Variants in SYT7 observed in about 807,000 individuals in gnomAD.
SYT7 encodes synaptotagmin-7.
In SYT7, 29 loss-of-function variants were observed where a neutral mutation model predicts 75.1. The observed-to-expected ratio is 0.39, with a 90% CI of 0.29 to 0.53. The LOEUF (loss-of-function observed/expected upper bound fraction) is 0.53. Ranked by LOEUF, SYT7 falls within the 20% of genes least tolerant of loss-of-function variation. SYT7 has a pLI of 0.77. For missense variants in SYT7, 693 were observed against 953.2 expected (o/e 0.73, Z 3.59); for synonymous variants, 376 against 401.7 (o/e 0.94, Z 0.76).
intron 12 of SYT7, among the ~76,000 whole-genome samples, chr11:61,521,501 G>T (rs972533678): frequency 1.3e-5 from 2 of 152,198 alleles, no homozygotes; most frequent in Admixed American, 6.5e-5. Context: ...GAGTGGCAAT[G>T]TCCTGGGGAG....
intron 6 of SYT7, chr11:61,541,374 A>T: frequency 1.2e-6 from 1 of 837,272 alleles, no homozygotes. Flanking sequence ...TTAGGCTCTG[A>T]GAGTGGGGGG....
At chr11:61,573,567 T>C (rs139279355) in intron 1 of SYT7, among the ~76,000 whole-genome samples, 473 of 152,336 alleles carry the variant, frequency 3.1e-3, no homozygotes, top group African/African-American at 0.011. Flanking sequence ...TCAAAAGCCA[T>C]CCATGGCACT....
intron 1 of SYT7, among the ~76,000 whole-genome samples, chr11:61,560,729 C>T (rs1030278990): frequency 5.3e-5 from 8 of 152,176 alleles, no homozygotes; most frequent in Non-Finnish European, 7.4e-5. Flanking sequence ...CCATTCCCTG[C>T]ATATGGAGTC....
Position 61,518,569 on chromosome 11 carries a change from T to C in SYT7, c.*58A>G. ...CTCAGGCCGGGCGTTGTGCATAAAG[T>C]GGTGAGGGCATGATGGGGACCTGGG... is the stretch of plus-strand genomic sequence containing the variant. On this transcript the variant is annotated 3_prime_UTR_variant, in exon 13 of 13. Coordinates refer to ENST00000539008, the MANE Select transcript of SYT7 (RefSeq NM_001365809.2). The C allele has an allele frequency of 7.8e-7, 1 of 1,275,106 alleles. No homozygotes were observed. The allele number at this position is 1,275,106 out of a possible 1,614,324, so 79.0% of individuals were successfully genotyped here.
intron 3 of SYT7, among the ~76,000 whole-genome samples, chr11:61,550,391 A>C (rs1241913965): frequency 1.3e-5 from 2 of 152,052 alleles, no homozygotes; most frequent in Non-Finnish European, 2.9e-5. Flanking sequence ...ACGGAAGGGG[A>C]AAGACACACA....
At chr11:61,584,116 G>A (rs761736128), upstream of SYT7, among the ~76,000 whole-genome samples, 24 of 152,284 alleles carry the variant, frequency 1.6e-4, no homozygotes, top group Non-Finnish European at 2.9e-4. Flanking sequence ...GGGACTGGGC[G>A]CGGTGGCTCA....
At chr11:61,559,455 A>G (rs1307355075) in intron 1 of SYT7, among the ~76,000 whole-genome samples, 1 of 152,156 alleles carries the variant, frequency 6.6e-6, no homozygotes, top group African/African-American at 2.4e-5. Flanking sequence ...TTGTCTATCC[A>G]GCTGAGGGGT....
intron 6 of SYT7, chr11:61,540,919 C>A: frequency 1.0e-6 from 1 of 985,502 alleles, no homozygotes; most frequent in South Asian, 4.7e-5. Context: ...GTGCAGGCGT[C>A]CAGTTAGATT....
At position 61,523,646 on chromosome 11, in the gene SYT7, G is replaced by A. The variant is rs545556820; in HGVS notation, c.1756+181C>T. ...ACATCTTGATTCTTGAACAGAGTCC[G>A]AGATGAGGGTGCTCCAAAGGGGGGC... On this transcript the variant is annotated intron_variant, in intron 11 of 12. Transcript: ENST00000539008. The surrounding 1 kb of genome is among the most constrained non-coding windows in gnomAD (Gnocchi z 5.0). 6.6e-6 allele frequency among the ~76,000 whole-genome samples: 1 copy of A among 152,150 alleles called. No individual in the cohort carries two copies.
At chr11:61,561,870 A>G (rs1029829601) in intron 1 of SYT7, among the ~76,000 whole-genome samples, 2 of 152,020 alleles carry the variant, frequency 1.3e-5, no homozygotes, top group African/African-American at 4.8e-5. Context: ...CTCAGCAAAT[A>G]TTTGTTGAAT....
intron 9 of SYT7, chr11:61,526,596 A>AT (rs2062524707): frequency 6.6e-6 from 1 of 152,150 alleles, no homozygotes. Context: ...TCTTTTCTAC[A>AT]TCCCCAGTAC....
chr11:61,555,293 G>T (rs113733090), intron 2 of SYT7, among the ~76,000 whole-genome samples: 2,649 of 152,306 alleles, frequency 0.017, 90 homozygotes, highest in African/African-American at 0.061. Context: ...ACACCCCCGG[G>T]CCCACCGTCG....
At chr11:61,562,271 T>C (rs560352550) in intron 1 of SYT7, among the ~76,000 whole-genome samples, 6 of 152,190 alleles carry the variant, frequency 3.9e-5, no homozygotes, top group Non-Finnish European at 7.4e-5. Context: ...TTTTAGAGAA[T>C]AGTGATTAGT....
intron 7 of SYT7, among the ~76,000 whole-genome samples, chr11:61,535,077 G>A (rs182642743): frequency 8.9e-4 from 136 of 152,338 alleles, no homozygotes; most frequent in African/African-American, 3.1e-3. Flanking sequence ...TGAAGCTGTC[G>A]GAGGTCACAG....
chr11:61,555,976 C>T, intron 2 of SYT7, 128 bp downstream of exon 2: 5 of 776,108 alleles, frequency 6.4e-6, no homozygotes, highest in Non-Finnish European at 1.0e-5. Context: ...CCTGACTATG[C>T]GGACAGGTGA....
intron 5 of SYT7, among the ~76,000 whole-genome samples, chr11:61,544,762 G>A (rs2063137912): frequency 6.6e-6 from 1 of 152,226 alleles, no homozygotes; most frequent in Non-Finnish European, 1.5e-5. Flanking sequence ...GGCTGGGAGG[G>A]TGGGGCACTG....
intron 1 of SYT7, among the ~76,000 whole-genome samples, chr11:61,563,027 C>A (rs1472682454): frequency 6.6e-6 from 1 of 152,068 alleles, no homozygotes; most frequent in Admixed American, 6.5e-5. Context: ...TGCACACAGG[C>A]CACAGACACA....
Position 61,517,115 on chromosome 11 carries a change from A to G in SYT7, c.*1512T>C. On this transcript the variant is annotated 3_prime_UTR_variant, in exon 13 of 13. Coordinates refer to ENST00000539008, the MANE Select transcript of SYT7 (RefSeq NM_001365809.2). ...TGGGGGCCTGGCGCCACCTGGCGGT[A>G]GTTCTGGGAATGTCAGGCCCAGGCT... The G allele has an allele frequency of 2.5e-6, 1 of 396,040 alleles. No individual in the cohort carries two copies. Among genetic ancestry groups the G allele is most frequent in the Non-Finnish European group, 4.4e-6 (1 of 224,928 alleles). The allele number at this position is 396,040 out of a possible 1,614,324, so 24.5% of individuals were successfully genotyped here.
Position 61,526,949 on chromosome 11 carries a change from C to A in SYT7, c.1471+966G>T, listed in dbSNP as rs1323827387. ...GATTCTGGAAGGCTAGGGCTTGGGGCAGCTGGGGTAGGGATTTACTCTCCC... is the reference window on the plus strand; with the variant it reads ...GATTCTGGAAGGCTAGGGCTTGGGGAAGCTGGGGTAGGGATTTACTCTCCC... On this transcript the variant is annotated intron_variant, in intron 9 of 12. Transcript: ENST00000539008. Among the ~76,000 whole-genome samples the A allele has an allele frequency of 5.3e-5, 8 of 152,132 alleles. No homozygotes were observed. The East Asian group carries it at 1.5e-3, about 29-fold the overall frequency.
Sources: allele counts gnomAD v4.1 joint callset (sites outside exome capture counted in the v4.1 genomes callset), GRCh38; gene constraint gnomAD v4.1.1; non-coding constraint Gnocchi (gnomAD v3.1); transcripts MANE v1.5; gene names NCBI Gene and HGNC (gene_info 2026-07-23, HGNC 2026-07-21).